Variants in MACROD2 observed in about 807,000 individuals in gnomAD.
The protein encoded by MACROD2 is ADP-ribose glycohydrolase MACROD2.
In MACROD2, 36 loss-of-function variants were observed where a neutral mutation model predicts 70.4. The observed-to-expected ratio is 0.51, with a 90% confidence interval of 0.39 to 0.68. The LOEUF (loss-of-function observed/expected upper bound fraction) is 0.68, where lower values mean the gene tolerates loss of function less well. Among genes scored for constraint, MACROD2 ranks in the 30% least tolerant of loss-of-function variants. The pLI is 0.00. For synonymous variants in MACROD2, 172 were observed against 178.8 expected (o/e 0.96, Z 0.30); for missense variants, 496 against 538.4 (o/e 0.92, Z 0.78).
chr20:14,995,466 A>G (rs1271027405), intron 5 of MACROD2, among the ~76,000 whole-genome samples: 1 of 152,128 alleles, frequency 6.6e-6, no homozygotes, highest in Non-Finnish European at 1.5e-5. Context: ...GCTTGCACCA[A>G]GGAGTTCAAG....
chr20:14,269,447 T>C (rs2082172091), intron 3 of MACROD2, among the ~76,000 whole-genome samples: 2 of 152,276 alleles, frequency 1.3e-5, no homozygotes, highest in Middle Eastern at 3.4e-3. Flanking sequence ...AAAAATAAAT[T>C]ATTAAGTTGG....
intron 4 of MACROD2, among the ~76,000 whole-genome samples, chr20:14,670,146 T>C (rs749684970): frequency 2.0e-5 from 3 of 152,116 alleles, no homozygotes; most frequent in Non-Finnish European, 4.4e-5. Flanking sequence ...AATAACATCT[T>C]ACAGCACCGT....
intron 5 of MACROD2, among the ~76,000 whole-genome samples, chr20:15,056,123 A>G (rs1159468710): frequency 3.3e-5 from 5 of 152,118 alleles, no homozygotes; most frequent in African/African-American, 7.2e-5. Flanking sequence ...GACAGCTGCA[A>G]GACAGCACCC....
intron 7 of MACROD2, among the ~76,000 whole-genome samples, chr20:15,450,354 A>G (rs1379787130): frequency 1.3e-5 from 2 of 152,038 alleles, no homozygotes; most frequent in Admixed American, 1.3e-4. Context: ...AACTTTAAAG[A>G]AACATATAAG....
chr20:14,706,042 G>A (rs1024459580), intron 5 of MACROD2, among the ~76,000 whole-genome samples: 4 of 152,022 alleles, frequency 2.6e-5, no homozygotes, highest in East Asian at 1.9e-4. Flanking sequence ...GAGGCTGGGT[G>A]CAGTAGCACA....
At chr20:14,793,942 T>A (rs764951360) in intron 5 of MACROD2, among the ~76,000 whole-genome samples, 14 of 152,044 alleles carry the variant, frequency 9.2e-5, no homozygotes, top group Non-Finnish European at 1.8e-4. Flanking sequence ...GGTCTTCTCC[T>A]GCCTGCCAGT....
At chr20:14,445,936 C>T (rs1235397647) in intron 3 of MACROD2, among the ~76,000 whole-genome samples, 2 of 152,032 alleles carry the variant, frequency 1.3e-5, no homozygotes, top group Admixed American at 1.3e-4. Flanking sequence ...TGCAAGTTTG[C>T]TGTGGAAGAG....
intron 5 of MACROD2, among the ~76,000 whole-genome samples, chr20:14,968,500 T>C (rs992273312): frequency 1.2e-4 from 18 of 152,112 alleles, no homozygotes; most frequent in African/African-American, 4.3e-4. Context: ...TGGGGTGGTG[T>C]CCAGGCATCA....
At chr20:14,787,876 T>C (rs1464492559) in intron 5 of MACROD2, among the ~76,000 whole-genome samples, 8 of 152,120 alleles carry the variant, frequency 5.3e-5, no homozygotes, top group Non-Finnish European at 1.2e-4. Flanking sequence ...TGTGGCATTC[T>C]TGGACCACAG....
chr20:14,634,074 C>G (rs1004462656), intron 4 of MACROD2, among the ~76,000 whole-genome samples: 7 of 152,178 alleles, frequency 4.6e-5, no homozygotes, highest in African/African-American at 1.2e-4. Flanking sequence ...CTCTTCACAG[C>G]CCCCTGGGCG....
At chr20:14,777,460 T>C (rs1042348676) in intron 5 of MACROD2, among the ~76,000 whole-genome samples, 2 of 152,016 alleles carry the variant, frequency 1.3e-5, no homozygotes, top group East Asian at 3.9e-4. Context: ...ATCAGAACCA[T>C]GTACCTCTGC....
chr20:15,519,174 G>A lies in MACROD2; in HGVS notation c.645+19327G>A, dbSNP rs1359759386. Among the ~76,000 whole-genome samples the A allele has an allele frequency of 7.3e-5, 11 of 150,274 alleles. 1 individual carries two copies. The highest frequency in any genetic ancestry group is 4.7e-4 in the Admixed American group (7 of 14,964). On this transcript the variant is annotated intron_variant, in intron 8 of 17. Transcript: ENST00000684519. ...CGCCCAGGCTGGAGTGCAGTGGCAC[G>A]ACCTCGGCTCACTGCAAGCTCCGCC...
intron 3 of MACROD2, among the ~76,000 whole-genome samples, chr20:14,399,668 C>T (rs1008649430): frequency 6.6e-6 from 1 of 152,086 alleles, no homozygotes; most frequent in Non-Finnish European, 1.5e-5. Flanking sequence ...CCCTCCCTGA[C>T]TTTGGGGATG....
At chr20:15,782,321 C>T (rs748139339) in intron 8 of MACROD2, among the ~76,000 whole-genome samples, 25 of 152,052 alleles carry the variant, frequency 1.6e-4, no homozygotes, top group Admixed American at 5.2e-4. Flanking sequence ...ACAACAAATA[C>T]TTACTATTTT....
At chr20:15,828,885 T>A (rs1213640002) in intron 8 of MACROD2, among the ~76,000 whole-genome samples, 1 of 152,242 alleles carries the variant, frequency 6.6e-6, no homozygotes, top group African/African-American at 2.4e-5. Context: ...CAGGACATCC[T>A]TTAAGTTCAG....
chr20:16,044,768 C>A, intron 17 of MACROD2, 129 bp downstream of exon 17: 1 of 788,458 alleles, frequency 1.3e-6, no homozygotes, highest in Non-Finnish European at 2.1e-6. Flanking sequence ...CCTTGAAAAT[C>A]TTTAAACCAA....
intron 5 of MACROD2, among the ~76,000 whole-genome samples, chr20:14,911,537 G>C (rs959870955): frequency 6.6e-6 from 1 of 151,950 alleles, no homozygotes; most frequent in Non-Finnish European, 1.5e-5. Context: ...CCACTATGTT[G>C]AGGTAACTTT....
intron 8 of MACROD2, among the ~76,000 whole-genome samples, chr20:15,785,589 A>C (rs1158954912): frequency 5.9e-5 from 9 of 152,156 alleles, no homozygotes; most frequent in Admixed American, 5.9e-4. Flanking sequence ...TTCTGTAAGT[A>C]GATCTTTAAG....
intron 8 of MACROD2, among the ~76,000 whole-genome samples, chr20:15,611,023 A>G (rs1388406827): frequency 7.0e-5 from 3 of 42,646 alleles, no homozygotes; most frequent in African/African-American, 1.1e-4. Flanking sequence ...TTTTGCCCCC[A>G]GTGAGCAAAG....
Sources: gnomAD v4.1 joint callset for allele counts (sites outside exome capture counted in the v4.1 genomes callset) on GRCh38, gnomAD v4.1.1 for gene constraint, MANE v1.5 for transcripts, NCBI Gene and HGNC (gene_info 2026-07-23, HGNC 2026-07-21) for gene names.